The following COL19A1 variants were observed in gnomAD, a reference collection of about 807,000 sequenced individuals.
The protein encoded by COL19A1 is collagen alpha-1(XIX) chain.
COL19A1 carries 159 observed loss-of-function variants against 190.2 expected under a neutral mutation model. The observed-to-expected ratio is 0.84, with a 90% CI of 0.73 to 0.95. The LOEUF (loss-of-function observed/expected upper bound fraction) is 0.95, where lower values mean the gene tolerates loss of function less well. Ranked by LOEUF, COL19A1 falls within the 40% of genes least tolerant of loss-of-function variation. The pLI, the probability that COL19A1 is intolerant of heterozygous loss-of-function variation, is 0.00. For synonymous variants in COL19A1, 509 were observed against 458.9 expected, an observed-to-expected ratio of 1.11 and a Z score of -1.39; for missense variants, 1,418 against 1,431.9, an observed-to-expected ratio of 0.99 and a Z score of 0.16.
intron 2 of COL19A1, among the ~76,000 whole-genome samples, chr6:69,891,721 A>G (rs545093421): frequency 6.6e-6 from 1 of 152,282 alleles, no homozygotes; most frequent in South Asian, 2.1e-4. Flanking sequence ...TCTATCCTCC[A>G]AACTGTCAGT....
chr6:69,916,789 T>C (rs1170921713), intron 4 of COL19A1, among the ~76,000 whole-genome samples: 2 of 152,206 alleles, frequency 1.3e-5, no homozygotes, highest in Non-Finnish European at 2.9e-5. Context: ...AAAATATTAC[T>C]TTTAAGTCAG....
intron 16 of COL19A1, among the ~76,000 whole-genome samples, chr6:70,119,508 T>C (rs1784761897): frequency 6.6e-6 from 1 of 152,152 alleles, no homozygotes; most frequent in South Asian, 2.1e-4. Context: ...TTCTCTAGGG[T>C]ACACACATCA....
intron 14 of COL19A1, 68 bp from the exon 15 acceptor site, chr6:70,068,355 C>G: frequency 9.8e-7 from 1 of 1,019,706 alleles, no homozygotes. Context: ...TATTAATTTT[C>G]ACAACATTCT....
intron 15 of COL19A1, among the ~76,000 whole-genome samples, chr6:70,075,123 A>G (rs1364933991): frequency 6.6e-6 from 1 of 152,178 alleles, no homozygotes; most frequent in Non-Finnish European, 1.5e-5. Flanking sequence ...TTTCTTCAGA[A>G]TGTCTCCATG....
At chr6:70,046,734 T>C (rs1172724885) in intron 14 of COL19A1, among the ~76,000 whole-genome samples, 1 of 152,170 alleles carries the variant, frequency 6.6e-6, no homozygotes, top group Non-Finnish European at 1.5e-5. Flanking sequence ...GCCTTATTCA[T>C]TTTTTCATTT....
intron 5 of COL19A1, among the ~76,000 whole-genome samples, chr6:69,929,048 A>G (rs1449698670): frequency 6.6e-6 from 1 of 152,022 alleles, no homozygotes; most frequent in Non-Finnish European, 1.5e-5. Context: ...TTCCTGTGTT[A>G]CTAATACAGA....
At chr6:69,999,943 G>C (rs890774773) in intron 11 of COL19A1, among the ~76,000 whole-genome samples, 2 of 152,022 alleles carry the variant, frequency 1.3e-5, no homozygotes, top group Admixed American at 1.3e-4. Flanking sequence ...GTACAGGTTT[G>C]TTACATAGGT....
intron 41 of COL19A1, among the ~76,000 whole-genome samples, chr6:70,175,467 G>A (rs1037700142): frequency 2.0e-5 from 3 of 151,718 alleles, no homozygotes; most frequent in African/African-American, 4.8e-5. Flanking sequence ...ATTCATATGG[G>A]ATATAATGTA....
At chr6:69,932,508 T>C (rs1350788274) in intron 6 of COL19A1, among the ~76,000 whole-genome samples, 1 of 152,046 alleles carries the variant, frequency 6.6e-6, no homozygotes, top group Non-Finnish European at 1.5e-5. Context: ...ATTAAGTACT[T>C]CTATTTTATT....
At chr6:69,992,152 T>G (rs1036684009) in intron 11 of COL19A1, among the ~76,000 whole-genome samples, 2 of 152,170 alleles carry the variant, frequency 1.3e-5, no homozygotes, top group South Asian at 4.1e-4. Flanking sequence ...ATTTATTGAA[T>G]GAGTCCTTTC....
chr6:70,180,418 A>G, intron 43 of COL19A1, 43 bp from the exon 44 acceptor site: 1 of 1,613,974 alleles, frequency 6.2e-7, no homozygotes. Flanking sequence ...CAGTTTTAAA[A>G]CATTTGTTGG....
At chr6:70,138,682 G>C (rs1404589629) in intron 19 of COL19A1, among the ~76,000 whole-genome samples, 1 of 152,042 alleles carries the variant, frequency 6.6e-6, no homozygotes. Context: ...CTATGCTTCA[G>C]CTTTAAAAAA....
chr6:69,935,593 G>C (rs1168640690), intron 7 of COL19A1, among the ~76,000 whole-genome samples: 1 of 152,068 alleles, frequency 6.6e-6, no homozygotes. Context: ...AATCTGGAGA[G>C]AGTAGATTTG....
intron 4 of COL19A1, among the ~76,000 whole-genome samples, chr6:69,918,025 A>C (rs532724801): frequency 4.2e-4 from 64 of 152,290 alleles, no homozygotes; most frequent in African/African-American, 1.5e-3. Flanking sequence ...CAATGAGCCT[A>C]GTGTGTTCAA....
chr6:70,098,567 TA>T (rs2150183736), intron 15 of COL19A1: 2 of 427,846 alleles, frequency 4.7e-6, no homozygotes, highest in Non-Finnish European at 9.1e-6. Flanking sequence ...CTTAGCAGGG[TA>T]GCCACATTTG....
chr6:69,896,156 G>A (rs377741024), intron 2 of COL19A1, among the ~76,000 whole-genome samples: 1 of 151,878 alleles, frequency 6.6e-6, no homozygotes, highest in East Asian at 1.9e-4. Flanking sequence ...TGCCTAAAAG[G>A]GCCATTACAC....
At chr6:69,911,050 A>T (rs1770879087) in intron 4 of COL19A1, among the ~76,000 whole-genome samples, 1 of 152,206 alleles carries the variant, frequency 6.6e-6, no homozygotes. Context: ...TAACAACTCT[A>T]AAGATTTTTC....
chr6:70,104,501 A>C (rs1783831670), intron 16 of COL19A1, among the ~76,000 whole-genome samples: 1 of 152,118 alleles, frequency 6.6e-6, no homozygotes, highest in Non-Finnish European at 1.5e-5. Context: ...CACCCTCTTG[A>C]CCCAATCACC....
chr6:70,157,820 A>G (rs1307889496), intron 34 of COL19A1, among the ~76,000 whole-genome samples: 1 of 152,182 alleles, frequency 6.6e-6, no homozygotes, highest in Non-Finnish European at 1.5e-5. Context: ...CCCAAAAGGT[A>G]GGCTTTAGAG....
Sources: gnomAD v4.1 joint callset for allele counts (sites outside exome capture counted in the v4.1 genomes callset) on GRCh38, gnomAD v4.1.1 for gene constraint, MANE v1.5 for transcripts, NCBI Gene and HGNC (gene_info 2026-07-23, HGNC 2026-07-21) for gene names.